Variants in ANKFN1 observed in about 807,000 individuals in gnomAD.
ANKFN1 encodes ankyrin repeat and fibronectin type-III domain-containing protein 1.
ANKFN1 carries 74 observed loss-of-function variants against 108.7 expected under a neutral mutation model. That is an observed-to-expected ratio of 0.68 (90% CI 0.56 to 0.83). ANKFN1 has a LOEUF of 0.83. Among genes scored for constraint, ANKFN1 ranks in the 40% least tolerant of loss-of-function variants. The probability of loss-of-function intolerance (pLI) is 0.00; values close to 1 mark genes in which losing one functional copy is unlikely to be tolerated. For synonymous variants in ANKFN1, 547 were observed against 516.2 expected, an observed-to-expected ratio of 1.06 and a Z score of -0.81; for missense variants, 1,505 against 1,382.3, an observed-to-expected ratio of 1.09 and a Z score of -1.41.
intron 8 of ANKFN1, among the ~76,000 whole-genome samples, chr17:56,416,701 C>G (rs764096586): frequency 1.1e-4 from 17 of 152,162 alleles, no homozygotes; most frequent in Non-Finnish European, 1.8e-4. Context: ...GATCCCGCTG[C>G]TAGATATATA....
At chr17:56,425,778 CT>C (rs2048544782) in intron 8 of ANKFN1, among the ~76,000 whole-genome samples, 1 of 152,214 alleles carries the variant, frequency 6.6e-6, no homozygotes, top group African/African-American at 2.4e-5. Flanking sequence ...TAGGGTGACC[CT>C]AATCTGAGCC....
At position 56,089,901 on chromosome 17, in the gene ANKFN1, G is replaced by C. The variant is rs987729107; in HGVS notation, c.288+43576G>C. On this transcript the variant is annotated intron_variant, in intron 4 of 12. Coordinates refer to the ANKFN1 transcript ENST00000635860. Reference sequence around the variant, plus strand: ...ATAACCTTGTACTTGGCACGTATTGGCTGGAAAATGGCATCTACTACCACC... The same window carrying C: ...ATAACCTTGTACTTGGCACGTATTGCCTGGAAAATGGCATCTACTACCACC... Among the ~76,000 whole-genome samples, 15 of 151,400 alleles carry C rather than the reference G, an allele frequency of 9.9e-5. 1 individual carries two copies. The highest frequency in any genetic ancestry group is 6.8e-3 in the Middle Eastern group (2 of 292).
At position 56,112,156 on chromosome 17, in the gene ANKFN1, G is replaced by A. The variant is rs910326938; in HGVS notation, c.288+65831G>A. ...GCTATTATGATGCTGTCTTTTATTA[G>A]AGCAAGAAGTCATTTTTAACAGTCC... On this transcript the variant is annotated intron_variant, in intron 4 of 12. Coordinates refer to the ANKFN1 transcript ENST00000635860. Among the ~76,000 whole-genome samples, 4 of 152,192 alleles carry A rather than the reference G, an allele frequency of 2.6e-5. No homozygotes were observed. The Middle Eastern group carries it at 0.014, about 518-fold the overall frequency.
chr17:56,360,025 T>A (rs2046475327), intron 6 of ANKFN1, among the ~76,000 whole-genome samples: 1 of 152,180 alleles, frequency 6.6e-6, no homozygotes, highest in Non-Finnish European at 1.5e-5. Context: ...GGCTTCAAAT[T>A]ATTTAGAGAG....
chr17:56,413,595 T>G (rs1478606170), intron 8 of ANKFN1, among the ~76,000 whole-genome samples: 1 of 152,234 alleles, frequency 6.6e-6, no homozygotes, highest in Non-Finnish European at 1.5e-5. Flanking sequence ...TGAGTTATAT[T>G]CCTTCAATAG....
At chr17:56,181,167 A>G (rs1911644304) in intron 1 of ANKFN1, among the ~76,000 whole-genome samples, 1 of 152,210 alleles carries the variant, frequency 6.6e-6, no homozygotes, top group Non-Finnish European at 1.5e-5. Context: ...CAATATATCT[A>G]TAGCATAACA....
intron 4 of ANKFN1, among the ~76,000 whole-genome samples, chr17:56,348,853 G>T (rs901597051): frequency 6.6e-6 from 1 of 151,264 alleles, no homozygotes; most frequent in Admixed American, 6.6e-5. Context: ...ATACCTAGAG[G>T]CAGAAATACA....
intron 19 of ANKFN1, among the ~76,000 whole-genome samples, 159 bp downstream of exon 19, chr17:56,492,512 T>G (rs993065063): frequency 1.3e-5 from 2 of 152,134 alleles, no homozygotes; most frequent in African/African-American, 4.8e-5. Context: ...CTCAGGCAGA[T>G]AAGTTTTCAA....
intron 8 of ANKFN1, among the ~76,000 whole-genome samples, chr17:56,381,377 T>G (rs1475532749): frequency 6.6e-6 from 1 of 152,124 alleles, no homozygotes; most frequent in Non-Finnish European, 1.5e-5. Flanking sequence ...AAAAGCAGAG[T>G]GCCTCTCCTC....
At chr17:56,426,194 C>T (rs2048564129) in intron 8 of ANKFN1, among the ~76,000 whole-genome samples, 1 of 152,216 alleles carries the variant, frequency 6.6e-6, no homozygotes, top group Admixed American at 6.5e-5. Flanking sequence ...TGGTCAATGA[C>T]CTTCCTGTCC....
chr17:56,160,701 A>C (rs1909576651), intron 1 of ANKFN1, among the ~76,000 whole-genome samples: 1 of 152,234 alleles, frequency 6.6e-6, no homozygotes, highest in African/African-American at 2.4e-5. Flanking sequence ...CTAGGAGCCA[A>C]GTAATGGTAA....
chr17:56,445,515 A>T (rs1273042233), intron 10 of ANKFN1, among the ~76,000 whole-genome samples: 1 of 152,228 alleles, frequency 6.6e-6, no homozygotes, highest in African/African-American at 2.4e-5. Context: ...ACTGGCAAAG[A>T]ACTGAAATCC....
chr17:56,289,163 T>C (rs920618301), intron 3 of ANKFN1, among the ~76,000 whole-genome samples: 1 of 152,190 alleles, frequency 6.6e-6, no homozygotes, highest in African/African-American at 2.4e-5. Context: ...ACAAAGGCAG[T>C]CTGATATTTG....
intron 6 of ANKFN1, chr17:56,368,283 T>TTTTTTTTTTTTTTTTTTTTG (rs2046716520): frequency 2.4e-6 from 1 of 416,976 alleles, no homozygotes; most frequent in Non-Finnish European, 3.4e-6. Context: ...GAACTTTTTT[T>TTTTTTTTTTTTTTTTTTTTG]TTTTTTTTTT....
rs1434923541 is a variant in ANKFN1, at chr17:56,095,160, G to A, written c.288+48835G>A. ...CTACATCAACACTTGCCCAAACTGG[G>A]TGTTGATAAGGAATATTGCTGATTT... On this transcript the variant is annotated intron_variant, in intron 4 of 12. Coordinates refer to the ANKFN1 transcript ENST00000635860. Among the ~76,000 whole-genome samples the A allele has an allele frequency of 1.3e-5, 2 of 151,132 alleles. 1 individual carries two copies. The highest frequency in any genetic ancestry group is 3.0e-5 in the Non-Finnish European group (2 of 67,742).
At chr17:56,310,564 C>T (rs2044988787) in intron 3 of ANKFN1, among the ~76,000 whole-genome samples, 2 of 151,594 alleles carry the variant, frequency 1.3e-5, no homozygotes, top group Admixed American at 6.6e-5. Flanking sequence ...TTGCAGTGAG[C>T]CGAGATCGAG....
At chr17:56,348,994 T>C (rs2046176863) in intron 4 of ANKFN1, among the ~76,000 whole-genome samples, 1 of 152,128 alleles carries the variant, frequency 6.6e-6, no homozygotes, top group South Asian at 2.1e-4. Flanking sequence ...CCATCAATGA[T>C]AGACTGAATA....
At chr17:56,079,048 G>C (rs765145680) in intron 4 of ANKFN1, among the ~76,000 whole-genome samples, 7 of 152,124 alleles carry the variant, frequency 4.6e-5, no homozygotes, top group Non-Finnish European at 1.0e-4. Flanking sequence ...GCTCTTAAAC[G>C]AGTGGGGCTG....
chr17:56,319,568 C>G (rs1341867647), intron 3 of ANKFN1, among the ~76,000 whole-genome samples: 1 of 152,154 alleles, frequency 6.6e-6, no homozygotes, highest in East Asian at 1.9e-4. Flanking sequence ...CCAGATATCC[C>G]TATACAAAGG....
Sources: gnomAD v4.1 joint callset for allele counts (sites outside exome capture counted in the v4.1 genomes callset) on GRCh38, gnomAD v4.1.1 for gene constraint, MANE v1.5 for transcripts, NCBI Gene and HGNC (gene_info 2026-07-23, HGNC 2026-07-21) for gene names.